The following BCHE variants were observed in gnomAD, a reference collection of about 807,000 sequenced individuals.
BCHE encodes the protein cholinesterase.
Under a neutral mutation model 51.3 loss-of-function variants are expected in BCHE, and 48 were observed. The ratio of observed to expected loss-of-function variants is 0.94; its 90% confidence interval spans 0.74 to 1.19. BCHE has a LOEUF of 1.19. Ranked by LOEUF, BCHE falls within the 50% of genes most tolerant of loss-of-function variation. The pLI, the probability that BCHE is intolerant of heterozygous loss-of-function variation, is 0.00. For missense variants in BCHE, 847 were observed against 708.2 expected, an observed-to-expected ratio of 1.20 and a Z score of -2.23; for synonymous variants, 251 against 238.0, an observed-to-expected ratio of 1.05 and a Z score of -0.50.
intron 2 of BCHE, among the ~76,000 whole-genome samples, chr3:165,810,494 T>A (rs977234566): frequency 2.0e-5 from 3 of 152,174 alleles, no homozygotes; most frequent in Admixed American, 6.5e-5. Context: ...TTGGTTCTTA[T>A]TTTATCTTTG....
In BCHE at chr3:165,773,307, G is replaced by T. The variant is rs1454387708; in HGVS notation, c.*75C>A. The stretch of plus-strand genomic sequence containing the variant: ...CAGCTACATAATAACTTTTTTAGTA[G>T]GTGTGTAAAAAAGCTCCTGATATTT... On this transcript the variant is annotated 3_prime_UTR_variant, in exon 4 of 4. Coordinates refer to ENST00000264381, the MANE Select transcript of BCHE (RefSeq NM_000055.4). 7.2e-7 allele frequency: 1 copy of T among 1,379,916 alleles called. No individual in the cohort carries two copies. 85.5% of individuals were successfully genotyped at this position (1,379,916 alleles called of 1,614,324 possible).
At chr3:165,822,018 T>G (rs2108229153) in intron 2 of BCHE, among the ~76,000 whole-genome samples, 1 of 152,096 alleles carries the variant, frequency 6.6e-6, no homozygotes, top group Admixed American at 6.6e-5. Flanking sequence ...AATAAAATAT[T>G]ATGATATGAG....
At chr3:165,817,974 C>T (rs527281645) in intron 2 of BCHE, among the ~76,000 whole-genome samples, 10 of 151,906 alleles carry the variant, frequency 6.6e-5, no homozygotes, top group Non-Finnish European at 1.3e-4. Context: ...TCAATCTGAC[C>T]ATAATTATTT....
chr3:165,796,481 A>G (rs151074036), intron 2 of BCHE, among the ~76,000 whole-genome samples: 5 of 152,320 alleles, frequency 3.3e-5, no homozygotes. Flanking sequence ...ATTGTCAGTC[A>G]GTATTGTTAA....
intron 3 of BCHE, among the ~76,000 whole-genome samples, chr3:165,782,118 A>G (rs929988708): frequency 3.3e-5 from 5 of 152,118 alleles, no homozygotes; most frequent in African/African-American, 1.2e-4. Flanking sequence ...TATATCACAT[A>G]TATATATTCA....
rs1420867736 is a variant in BCHE at position 165,830,745 on chromosome 3, T to C, written c.289A>G (p.Ile97Val). 1.2e-6 allele frequency: 2 copies of C among 1,613,936 alleles called. No individual in the cohort carries two copies. The highest frequency in any genetic ancestry group is 1.7e-6 in the Non-Finnish European group (2 of 1,179,922). ...TKYANSCCQN[I>V]DQSFPGFHGS... The stretch of plus-strand genomic sequence containing the variant: ...TGGAAGCCTGGAAAACTTTGATCTA[T>C]GTTCTGACAGCAAGAATTTGCATAT... The change falls in exon 2 of 4, where the codon ATA (isoleucine) becomes GTA (valine). Residue 97 changes from isoleucine (I) to valine (V), a missense_variant. Physicochemically the swap from Ile to Val is conservative, Grantham distance 29 (BLOSUM62 3). Coordinates refer to ENST00000264381, the MANE Select transcript of BCHE (RefSeq NM_000055.4).
chr3:165,824,525 G>A (rs1714647673), intron 2 of BCHE, among the ~76,000 whole-genome samples: 1 of 151,864 alleles, frequency 6.6e-6, no homozygotes, highest in Non-Finnish European at 1.5e-5. Flanking sequence ...TTAATATTGT[G>A]CTAACAATCC....
rs537248211 is a variant in BCHE at position 165,823,678 on chromosome 3, C to A, written c.1517+5839G>T. Among the ~76,000 whole-genome samples, 3 of 152,052 alleles carry A rather than the reference C, an allele frequency of 2.0e-5. No homozygotes were observed. The South Asian group carries it at 6.2e-4, about 32-fold the overall frequency. On this transcript the variant is annotated intron_variant, in intron 2 of 3. Transcript: ENST00000264381. ...CTCCAGATCTAAGTGGTTTCATTGA[C>A]GAAATATGTTAAATATTTAAAGACT...
intron 3 of BCHE, among the ~76,000 whole-genome samples, chr3:165,780,760 A>G (rs1712664720): frequency 6.6e-6 from 1 of 152,214 alleles, no homozygotes; most frequent in Admixed American, 6.5e-5. Flanking sequence ...GTCAAGAAAC[A>G]ATAGATGCTG....
In BCHE at chr3:165,830,661, C is replaced by T. The variant is rs1230054763; in HGVS notation, c.373G>A (p.Val125Ile). 6.2e-7 allele frequency: 1 copy of T among 1,613,908 alleles called. No individual in the cohort carries two copies. Among genetic ancestry groups the T allele is most frequent in the East Asian group, 2.2e-5 (1 of 44,884 alleles). ...DLSEDCLYLN[V>I]WIPAPKPKNA... ...TTTGGTTTAGGTGCTGGAATCCATA[C>T]ATTTAGATATAAACAGTCTTCACTG... Residue 125 changes from valine (V) to isoleucine (I), a missense_variant, in exon 2 of 4, where the codon GTA (valine) becomes ATA (isoleucine). Val to Ile is a conservative substitution (Grantham distance 29). Coordinates refer to ENST00000264381, the MANE Select transcript of BCHE (RefSeq NM_000055.4).
At chr3:165,788,068 A>G (rs950013424) in intron 2 of BCHE, among the ~76,000 whole-genome samples, 25 of 151,928 alleles carry the variant, frequency 1.6e-4, no homozygotes, top group African/African-American at 5.6e-4. Context: ...TACCTTCTGT[A>G]TATTATTAAT....
At chr3:165,807,679 A>G (rs1713919445) in intron 2 of BCHE, among the ~76,000 whole-genome samples, 2 of 151,534 alleles carry the variant, frequency 1.3e-5, no homozygotes, top group African/African-American at 4.8e-5. Context: ...CTCAGCCTCC[A>G]GAGTACCTGG....
intron 2 of BCHE, among the ~76,000 whole-genome samples, chr3:165,804,349 T>G (rs1168758801): frequency 6.6e-6 from 1 of 152,148 alleles, no homozygotes; most frequent in Non-Finnish European, 1.5e-5. Context: ...TATTAAACAA[T>G]GTGAAGTCTT....
chr3:165,791,536 A>G (rs1713165565), intron 2 of BCHE, among the ~76,000 whole-genome samples: 2 of 152,174 alleles, frequency 1.3e-5, no homozygotes, highest in South Asian at 4.1e-4. Flanking sequence ...GATTAGATAT[A>G]AAGAGGAAAG....
chr3:165,796,659 A>G (rs141716471), intron 2 of BCHE, among the ~76,000 whole-genome samples: 263 of 152,328 alleles, frequency 1.7e-3, no homozygotes, highest in African/African-American at 6.2e-3. Flanking sequence ...GCCCACTTAA[A>G]GCATACTTTT....
chr3:165,788,008 T>C (rs977976635), intron 2 of BCHE, among the ~76,000 whole-genome samples: 7 of 152,078 alleles, frequency 4.6e-5, no homozygotes, highest in African/African-American at 1.7e-4. Flanking sequence ...AGAAAAACTC[T>C]GGTTGAAATT....
At chr3:165,811,785 T>A (rs189412887) in intron 2 of BCHE, among the ~76,000 whole-genome samples, 15 of 152,178 alleles carry the variant, frequency 9.9e-5, no homozygotes, top group Non-Finnish European at 1.6e-4. Context: ...TAATAATAAG[T>A]ACTGAGCCCA....
rs955796348 is a variant in BCHE at position 165,773,653 on chromosome 3, C to T, written c.1685-147G>A. ...TATTCTTTATTATTTGTTATTAGCT[C>T]GCTTTGCCTGAAAAGAGATTTTAAT... On this transcript the variant is annotated intron_variant, in intron 3 of 3. Coordinates refer to ENST00000264381, the MANE Select transcript of BCHE (RefSeq NM_000055.4). 47 of 615,002 alleles carry T rather than the reference C, an allele frequency of 7.6e-5. 1 individual carries two copies. In the South Asian group the frequency reaches 1.0e-3, roughly 14 times the overall value. The allele number at this position is 615,002 out of a possible 1,614,324, so 38.1% of individuals were successfully genotyped here. A position where few individuals can be genotyped will look rare whatever the true frequency, so the allele number is the denominator to read the frequency against.
intron 2 of BCHE, among the ~76,000 whole-genome samples, chr3:165,814,918 T>A (rs901911799): frequency 1.3e-4 from 19 of 149,340 alleles, no homozygotes; most frequent in Non-Finnish European, 2.1e-4. Flanking sequence ...ATTATATTTA[T>A]ACTAATTTTT....
Sources: allele counts gnomAD v4.1 joint callset (sites outside exome capture counted in the v4.1 genomes callset), GRCh38; gene constraint gnomAD v4.1.1; transcripts MANE v1.5; gene names NCBI Gene and HGNC (gene_info 2026-07-23, HGNC 2026-07-21).